Variants in LINGO2 observed in about 807,000 individuals in gnomAD.
LINGO2 encodes leucine rich repeat and Ig domain containing 2.
A neutral mutation model predicts 30.6 loss-of-function variants in LINGO2; 14 were observed. The observed-to-expected ratio is 0.46, with a 90% confidence interval of 0.30 to 0.72. LINGO2 has a LOEUF of 0.72. Ranked by LOEUF, LINGO2 falls within the 30% of genes least tolerant of loss-of-function variation. The pLI is 0.07. For missense variants in LINGO2, 729 were observed against 751.7 expected, an observed-to-expected ratio of 0.97 and a Z score of 0.35; for synonymous variants, 317 against 288.5, an observed-to-expected ratio of 1.10 and a Z score of -1.00.
exon 6 of LINGO2, chr9:27,950,532 C>T (rs756489081): frequency 2.5e-6 from 4 of 1,571,806 alleles, no homozygotes; most frequent in South Asian, 1.2e-5. Flanking sequence ...GGCGATCAAT[C>T]GCCTTCTGTG....
chr9:28,500,685 A>G (rs2135313505), intron 1 of LINGO2, among the ~76,000 whole-genome samples: 1 of 152,232 alleles, frequency 6.6e-6, no homozygotes, highest in East Asian at 1.9e-4. Flanking sequence ...AAATTTCCAG[A>G]GGAGTATAAT....
intron 4 of LINGO2, among the ~76,000 whole-genome samples, chr9:28,070,608 T>C (rs1447165152): frequency 6.6e-6 from 1 of 152,234 alleles, no homozygotes; most frequent in African/African-American, 2.4e-5. Context: ...ACTAGTACTA[T>C]AAACATTAGA....
the LINGO2 span, among the ~76,000 whole-genome samples, chr9:28,781,282 C>T: frequency 2.0e-5 from 3 of 151,996 alleles, no homozygotes; most frequent in South Asian, 6.2e-4. Context: ...ATGCCGGGCT[C>T]TTATAGGACT....
chr9:28,060,108 T>C (rs1415414736), intron 4 of LINGO2, among the ~76,000 whole-genome samples: 1 of 151,898 alleles, frequency 6.6e-6, no homozygotes, highest in Non-Finnish European at 1.5e-5. Flanking sequence ...TGTAGTCTCC[T>C]ATATTGCAGA....
Position 28,651,050 on chromosome 9 carries a change from G to A in LINGO2, c.-365+19150C>T, listed in dbSNP as rs564130342. ...TTAAAAATACAAAAAAATTAGCCGG[G>A]CATGGTGGTGGGCACCTGTAATCCC... On this transcript the variant is annotated intron_variant, in intron 1 of 5. Transcript: ENST00000379992. Among the ~76,000 whole-genome samples the A allele has an allele frequency of 1.4e-4, 22 of 151,878 alleles. 1 individual carries two copies. The highest frequency in any genetic ancestry group is 5.1e-4 in the African/African-American group (21 of 41,434).
At chr9:28,040,658 T>A (rs1824160548) in intron 4 of LINGO2, among the ~76,000 whole-genome samples, 1 of 152,150 alleles carries the variant, frequency 6.6e-6, no homozygotes, top group Non-Finnish European at 1.5e-5. Context: ...GTCTACTACC[T>A]AATAGCTGCT....
At chr9:28,354,309 T>C (rs1256191654) in intron 3 of LINGO2, among the ~76,000 whole-genome samples, 2 of 152,184 alleles carry the variant, frequency 1.3e-5, no homozygotes, top group African/African-American at 4.8e-5. Context: ...TTAATTTTGC[T>C]TTATTTTATG....
intron 1 of LINGO2, among the ~76,000 whole-genome samples, chr9:28,638,149 C>A (rs988908330): frequency 2.0e-5 from 3 of 152,180 alleles, no homozygotes; most frequent in African/African-American, 7.2e-5. Flanking sequence ...GTTGAACCAG[C>A]CTTGCATCCC....
At chr9:28,101,069 T>C (rs1826401776) in intron 4 of LINGO2, among the ~76,000 whole-genome samples, 1 of 151,924 alleles carries the variant, frequency 6.6e-6, no homozygotes, top group Non-Finnish European at 1.5e-5. Flanking sequence ...TAGGGGAATA[T>C]GATGTTGAAA....
chr9:29,162,716 T>C, the LINGO2 span, among the ~76,000 whole-genome samples: 1 of 152,142 alleles, frequency 6.6e-6, no homozygotes, highest in East Asian at 1.9e-4. Context: ...TGGATAAACA[T>C]CCATTATAAA....
rs564847019 is a variant in LINGO2 at position 28,666,915 on chromosome 9, C to T, written c.-365+3285G>A. Among the ~76,000 whole-genome samples, 7 of 152,104 alleles carry T rather than the reference C, an allele frequency of 4.6e-5. 1 individual carries two copies. Among genetic ancestry groups the T allele is most frequent in the African/African-American group, 1.7e-4 (7 of 41,506 alleles). ...CAGAATGAAAATACAACAATTATAGCATTTTTTAAAAAAATATTCTTTATA... is the reference window on the plus strand; with the variant it reads ...CAGAATGAAAATACAACAATTATAGTATTTTTTAAAAAAATATTCTTTATA... On this transcript the variant is annotated intron_variant, in intron 1 of 5. Transcript: ENST00000379992.
intron 4 of LINGO2, among the ~76,000 whole-genome samples, chr9:28,054,882 T>C (rs1433701524): frequency 1.3e-5 from 2 of 152,116 alleles, no homozygotes; most frequent in East Asian, 3.9e-4. Flanking sequence ...CCTTTTCAAA[T>C]ATCCAAGCAC....
rs568179224 is a variant in LINGO2 at position 28,461,037 on chromosome 9, A to T, written c.-279+14903T>A. On this transcript the variant is annotated intron_variant, in intron 2 of 5. Coordinates refer to ENST00000379992, the Ensembl canonical transcript of LINGO2. ...ACCCTAAACACTTGGGCATAAATTCATTCTTGTTTGTCTTTCTTCTTTATC... is the reference window on the plus strand; with the variant it reads ...ACCCTAAACACTTGGGCATAAATTCTTTCTTGTTTGTCTTTCTTCTTTATC... Among the ~76,000 whole-genome samples, 3 of 152,250 alleles carry T rather than the reference A, an allele frequency of 2.0e-5. No homozygotes were observed. The South Asian group carries it at 6.2e-4, about 32-fold the overall frequency.
chr9:29,035,191 T>G, the LINGO2 span, among the ~76,000 whole-genome samples: 1 of 152,000 alleles, frequency 6.6e-6, no homozygotes, highest in Non-Finnish European at 1.5e-5. Context: ...ATGTTAGAAC[T>G]GGAAAGGTCC....
intron 4 of LINGO2, among the ~76,000 whole-genome samples, chr9:28,180,500 A>C (rs925695628): frequency 6.6e-6 from 1 of 152,142 alleles, no homozygotes; most frequent in African/African-American, 2.4e-5. Context: ...GAGTGAGGCA[A>C]GTTTCTTTGC....
chr9:28,874,145 T>C, the LINGO2 span, among the ~76,000 whole-genome samples: 1 of 152,010 alleles, frequency 6.6e-6, no homozygotes, highest in Non-Finnish European at 1.5e-5. Context: ...ATAGAGAATA[T>C]TCTAGCCATT....
chr9:28,316,994 A>G (rs1043114198), intron 3 of LINGO2, among the ~76,000 whole-genome samples: 1 of 152,188 alleles, frequency 6.6e-6, no homozygotes, highest in Admixed American at 6.5e-5. Flanking sequence ...TTTCACCTAC[A>G]TGACAATGTA....
chr9:28,007,817 G>A (rs766685463), intron 5 of LINGO2, among the ~76,000 whole-genome samples: 1 of 152,170 alleles, frequency 6.6e-6, no homozygotes, highest in African/African-American at 2.4e-5. Context: ...GTGACCTGGT[G>A]TGAAAGTCAC....
chr9:28,330,094 TAACTTTATAAGAACG>T (rs1825367656), intron 3 of LINGO2, among the ~76,000 whole-genome samples: 1 of 152,232 alleles, frequency 6.6e-6, no homozygotes, highest in African/African-American at 2.4e-5. Flanking sequence ...ATGGAATTAG[TAACTTTATAAGAACG>T]AACAGGAGAG....
Sources: allele counts gnomAD v4.1 joint callset (sites outside exome capture counted in the v4.1 genomes callset), GRCh38; gene constraint gnomAD v4.1.1; transcripts MANE v1.5; gene names NCBI Gene and HGNC (gene_info 2026-07-23, HGNC 2026-07-21).